The following GABRG3 variants were observed in gnomAD, a reference collection of about 807,000 sequenced individuals.
GABRG3 encodes gamma-aminobutyric acid type A receptor subunit gamma3, also known as gamma-aminobutyric acid receptor subunit gamma-3.
Under a neutral mutation model 48.8 loss-of-function variants are expected in GABRG3, and 25 were observed. The observed-to-expected ratio is 0.51, with a 90% CI of 0.37 to 0.72. GABRG3 has a LOEUF of 0.72. Ranked by LOEUF, GABRG3 falls within the 30% of genes least tolerant of loss-of-function variation. GABRG3 has a pLI of 0.00. For synonymous variants in GABRG3, 227 were observed against 217.6 expected (o/e 1.04, Z -0.38); for missense variants, 394 against 577.9 (o/e 0.68, Z 3.26).
rs924106473 is a variant in GABRG3, at chr15:27,188,176, T to C, written c.271-138633T>C. ...AAGTCTTTGCTTTTGTGAATAGTGC[T>C]GCAAGAAACATACGTGTGCATGTGT... On this transcript the variant is annotated intron_variant, in intron 3 of 9. Transcript: ENST00000615808. 1.2e-4 allele frequency among the ~76,000 whole-genome samples: 19 copies of C among 152,282 alleles called. 1 individual carries two copies. Among genetic ancestry groups the C allele is most frequent in the African/African-American group, 4.1e-4 (17 of 41,560 alleles).
At chr15:27,489,586 G>A (rs1890299696) in intron 6 of GABRG3, among the ~76,000 whole-genome samples, 1 of 152,136 alleles carries the variant, frequency 6.6e-6, no homozygotes, top group South Asian at 2.1e-4. Context: ...ACATGAGAGG[G>A]TATCTCATTG....
Position 27,225,770 on chromosome 15 carries a change from G to A in GABRG3, c.271-101039G>A, listed in dbSNP as rs377529607. ...GTGCCCTCCACCTGCCCTGGTCTTC[G>A]AGAAGTCCTCCATCAGAATAGGGTG... On this transcript the variant is annotated intron_variant, in intron 3 of 9. Coordinates refer to ENST00000615808, the MANE Select transcript of GABRG3 (RefSeq NM_033223.5). 2.6e-5 allele frequency among the ~76,000 whole-genome samples: 4 copies of A among 152,150 alleles called. No individual in the cohort carries two copies. In the South Asian group the frequency reaches 6.2e-4, roughly 24 times the overall value.
chr15:27,155,479 T>C (rs1360409365), intron 3 of GABRG3, among the ~76,000 whole-genome samples: 1 of 152,212 alleles, frequency 6.6e-6, no homozygotes, highest in Non-Finnish European at 1.5e-5. Flanking sequence ...TAGAATGGGC[T>C]GAGTGTTTTT....
intron 3 of GABRG3, among the ~76,000 whole-genome samples, chr15:27,278,897 T>A (rs899775432): frequency 2.0e-5 from 3 of 152,322 alleles, no homozygotes; most frequent in African/African-American, 7.2e-5. Flanking sequence ...ACTACCAAGC[T>A]GTTTCCCAGA....
intron 5 of GABRG3, among the ~76,000 whole-genome samples, chr15:27,401,675 C>G (rs1887479361): frequency 6.6e-6 from 1 of 152,144 alleles, no homozygotes; most frequent in Non-Finnish European, 1.5e-5. Flanking sequence ...CTCTCGCGAC[C>G]ATAGTTAGAT....
chr15:27,368,882 A>G (rs1317633782), intron 5 of GABRG3, among the ~76,000 whole-genome samples: 1 of 152,170 alleles, frequency 6.6e-6, no homozygotes, highest in Non-Finnish European at 1.5e-5. Flanking sequence ...GGAAAGCTTG[A>G]TGCCTCTCCC....
rs915674161 is a variant in GABRG3, at chr15:27,539,138, A to G, written c.*6257A>G. 1.3e-5 allele frequency: 2 copies of G among 152,190 alleles called. No individual in the cohort carries two copies. The highest frequency in any genetic ancestry group is 1.3e-4 in the Admixed American group (2 of 15,284). 9.4% of individuals were successfully genotyped at this position (152,190 alleles called of 1,614,324 possible). A position where few individuals can be genotyped will look rare whatever the true frequency, so the allele number is the denominator to read the frequency against. Reference sequence around the variant, plus strand: ...AAGTTGTCATTTTAGGGACATGGTGATAATCAGGACTGATGCCAGTAAGTG... The same window carrying G: ...AAGTTGTCATTTTAGGGACATGGTGGTAATCAGGACTGATGCCAGTAAGTG... On this transcript the variant is annotated 3_prime_UTR_variant, in exon 10 of 10. Coordinates refer to ENST00000615808, the MANE Select transcript of GABRG3 (RefSeq NM_033223.5).
intron 5 of GABRG3, among the ~76,000 whole-genome samples, chr15:27,405,151 A>T (rs1031183231): frequency 3.3e-5 from 5 of 152,230 alleles, no homozygotes; most frequent in African/African-American, 1.2e-4. Context: ...ATTGTAGGAC[A>T]TTACTTTTTT....
intron 2 of GABRG3, among the ~76,000 whole-genome samples, chr15:27,013,402 T>G (rs916288441): frequency 1.8e-4 from 27 of 152,278 alleles, no homozygotes; most frequent in African/African-American, 6.5e-4. Context: ...TATTTTTGCT[T>G]CTGTTTCCTG....
intron 5 of GABRG3, among the ~76,000 whole-genome samples, chr15:27,476,034 C>A (rs778516042): frequency 1.3e-5 from 2 of 151,954 alleles, no homozygotes; most frequent in African/African-American, 4.8e-5. Context: ...AAAGGAGACC[C>A]GGCTCAAAAG....
chr15:27,062,818 G>A (rs991645564), intron 3 of GABRG3, among the ~76,000 whole-genome samples: 2 of 152,186 alleles, frequency 1.3e-5, no homozygotes, highest in African/African-American at 2.4e-5. Flanking sequence ...TCACTGAACT[G>A]TAAAGGATGT....
chr15:27,438,161 AG>A (rs1489492185), intron 5 of GABRG3, among the ~76,000 whole-genome samples: 2 of 152,336 alleles, frequency 1.3e-5, no homozygotes, highest in East Asian at 3.9e-4. Flanking sequence ...CTGCATGAAC[AG>A]GATTTCTGTA....
intron 6 of GABRG3, among the ~76,000 whole-genome samples, chr15:27,518,519 A>T (rs1482924045): frequency 6.6e-6 from 1 of 152,236 alleles, no homozygotes; most frequent in Non-Finnish European, 1.5e-5. Context: ...TGTACCAGTA[A>T]TTATAGAAAC....
chr15:27,031,081 CACACACAT>C (rs2140686748), intron 3 of GABRG3, among the ~76,000 whole-genome samples: 1 of 151,774 alleles, frequency 6.6e-6, no homozygotes, highest in Admixed American at 6.5e-5. Context: ...CACACACACA[CACACACAT>C]ACAACACATA....
At chr15:27,125,581 C>G (rs1188438284) in intron 3 of GABRG3, among the ~76,000 whole-genome samples, 1 of 152,144 alleles carries the variant, frequency 6.6e-6, no homozygotes, top group Non-Finnish European at 1.5e-5. Flanking sequence ...TGAAGTATCA[C>G]TCTGTATTCC....
At chr15:27,212,725 C>T (rs1646001386) in intron 3 of GABRG3, among the ~76,000 whole-genome samples, 1 of 152,190 alleles carries the variant, frequency 6.6e-6, no homozygotes, top group Non-Finnish European at 1.5e-5. Context: ...AACACTAACT[C>T]CCTTTCCCTC....
At chr15:27,438,701 C>G (rs1888692154) in intron 5 of GABRG3, among the ~76,000 whole-genome samples, 1 of 152,210 alleles carries the variant, frequency 6.6e-6, no homozygotes. Context: ...TGCACACTTC[C>G]AGAAGATGAA....
chr15:27,062,460 T>TAAAAAAAAAAAAAAAAAAAAAAAAAA (rs1896666092), intron 3 of GABRG3, among the ~76,000 whole-genome samples: 2 of 47,186 alleles, frequency 4.2e-5, no homozygotes, highest in Admixed American at 5.1e-4. Flanking sequence ...AAAAAAAAAT[T>TAAAAAAAAAAAAAAAAAAAAAAAAAA]AGCCTTGCAT....
In GABRG3 at chr15:26,975,306, C is replaced by A. The variant is rs1042740087; in HGVS notation, c.54-1696C>A. 1.3e-5 allele frequency among the ~76,000 whole-genome samples: 2 copies of A among 152,138 alleles called. No homozygotes were observed. The highest frequency in any genetic ancestry group is 6.5e-5 in the Admixed American group (1 of 15,272). ...GTGCCCCACATTTAAAAATTCCTAT[C>A]GATCGTGAATATCCAATGTGCATAA... is the stretch of plus-strand genomic sequence containing the variant. On this transcript the variant is annotated intron_variant, in intron 1 of 9. Coordinates refer to ENST00000615808, the MANE Select transcript of GABRG3 (RefSeq NM_033223.5). This position sits in a 1 kb window ranked among gnomAD's most constrained non-coding sequence, Gnocchi z 4.6.
Sources: allele counts gnomAD v4.1 joint callset (sites outside exome capture counted in the v4.1 genomes callset), GRCh38; gene constraint gnomAD v4.1.1; non-coding constraint Gnocchi (gnomAD v3.1); transcripts MANE v1.5; gene names NCBI Gene and HGNC (gene_info 2026-07-23, HGNC 2026-07-21).